TOP1MT: variants seen among roughly 807,000 people sequenced by gnomAD.
The protein encoded by TOP1MT is DNA topoisomerase I, mitochondrial.
In TOP1MT, 80 loss-of-function variants were observed where a neutral mutation model predicts 73.9. That is an observed-to-expected ratio of 1.08 (90% CI 0.90 to 1.30). The LOEUF (loss-of-function observed/expected upper bound fraction) is 1.30, where lower values mean the gene tolerates loss of function less well. TOP1MT is among the 50% of genes most tolerant of loss of function. The probability of loss-of-function intolerance (pLI) is 0.00; values close to 1 mark genes in which losing one functional copy is unlikely to be tolerated. For missense variants in TOP1MT, 815 were observed against 808.0 expected, an observed-to-expected ratio of 1.01 and a Z score of -0.10; for synonymous variants, 338 against 326.4, an observed-to-expected ratio of 1.04 and a Z score of -0.38.
Position 143,309,866 on chromosome 8 carries a change from T to C in TOP1MT, c.1703+202A>G, listed in dbSNP as rs756225957. 1.7e-5 allele frequency: 26 copies of C among 1,539,314 alleles called. No individual in the cohort carries two copies. The Admixed American group carries it at 4.3e-4, about 25-fold the overall frequency. ...CCCAGGCCACTGTCAGCACCCCCAC[T>C]TCACCCTGTCCATCCGAACGTTCAG... On this transcript the variant is annotated intron_variant, in intron 13 of 13. Transcript: ENST00000329245.
intron 3 of TOP1MT, chr8:143,327,796 C>G (rs1816747437): frequency 4.6e-6 from 2 of 431,540 alleles, no homozygotes; most frequent in Non-Finnish European, 9.2e-6. Flanking sequence ...GGAGCCTGCA[C>G]AGGGGACAAG....
At chr8:143,313,723 C>T (rs1358356068) in intron 12 of TOP1MT, among the ~76,000 whole-genome samples, 1 of 147,194 alleles carries the variant, frequency 6.8e-6, no homozygotes, top group Non-Finnish European at 1.5e-5. Flanking sequence ...GGCATGGTGG[C>T]GGGTGCCTGT....
At chr8:143,320,332 A>C (rs369292368) in intron 8 of TOP1MT, among the ~76,000 whole-genome samples, 3 of 151,946 alleles carry the variant, frequency 2.0e-5, no homozygotes, top group Admixed American at 2.0e-4. Flanking sequence ...GGGTTTCACC[A>C]TGTTAGCCAG....
At chr8:143,338,930 G>C (rs985956467), upstream of TOP1MT, among the ~76,000 whole-genome samples, 1 of 152,212 alleles carries the variant, frequency 6.6e-6, no homozygotes, top group Non-Finnish European at 1.5e-5. Context: ...CAAGGGAGCG[G>C]GGACAGGGCT....
At chr8:143,324,394 C>T in intron 6 of TOP1MT, 91 bp downstream of exon 6, 13 of 1,577,536 alleles carry the variant, frequency 8.2e-6, no homozygotes, top group Non-Finnish European at 1.1e-5. Context: ...ATCTCAGAAG[C>T]CTCTGCCGGT....
intron 3 of TOP1MT, among the ~76,000 whole-genome samples, chr8:143,328,581 C>A (rs189732369): frequency 6.6e-6 from 1 of 152,228 alleles, no homozygotes; most frequent in Non-Finnish European, 1.5e-5. Context: ...GCTGGACACA[C>A]GTGACCCAGC....
intron 1 of TOP1MT, chr8:143,343,544 C>T: frequency 3.5e-6 from 1 of 288,608 alleles, no homozygotes; most frequent in South Asian, 3.3e-5. Flanking sequence ...CATCTCAGGC[C>T]CCTCCCGGCC....
chr8:143,322,734 A>ACACGCCACACACG (rs1563760035), intron 7 of TOP1MT, among the ~76,000 whole-genome samples: 2 of 12,304 alleles, frequency 1.6e-4, no homozygotes, highest in African/African-American at 6.5e-4. Context: ...GGCACGCCAC[A>ACACGCCACACACG]CACGCCACAC....
At chr8:143,312,398 G>A (rs1296293041) in intron 12 of TOP1MT, among the ~76,000 whole-genome samples, 1 of 152,136 alleles carries the variant, frequency 6.6e-6, no homozygotes, top group African/African-American at 2.4e-5. Context: ...TCCCAGGAAT[G>A]CAAGGATGGT....
intron 7 of TOP1MT, among the ~76,000 whole-genome samples, 180 bp from the exon 8 acceptor site, chr8:143,321,566 CGCACGCCACACAG>C (rs1563757830): frequency 5.6e-5 from 6 of 106,572 alleles, no homozygotes; most frequent in African/African-American, 1.6e-4. Flanking sequence ...GCCACACACA[CGCACGCCACACAG>C]GCACGCCACA....
chr8:143,332,909 G>C (rs1047276181), intron 1 of TOP1MT, among the ~76,000 whole-genome samples: 1 of 152,062 alleles, frequency 6.6e-6, no homozygotes, highest in Non-Finnish European at 1.5e-5. Context: ...TCGGGGAGAG[G>C]GGGGTTCTGC....
In TOP1MT at chr8:143,317,823, G is replaced by A. The variant is rs146827342; in HGVS notation, c.1230C>T (p.Asn410=). 3.7e-3 allele frequency: 5,950 copies of A among 1,614,160 alleles called. 12 individuals carry two copies. The highest frequency in any genetic ancestry group is 4.8e-3 in the Non-Finnish European group (5,625 of 1,179,998). The change falls in exon 10 of 14, where the codon AAC becomes AAT. Residue 410 remains asparagine (N), a synonymous_variant. Coordinates refer to ENST00000329245, the MANE Select transcript of TOP1MT (RefSeq NM_052963.3). ...CGTCCATCAGCTCCTGGAGGTGCTT[G>A]TTCAGGCTGGTCGTCTGGGGAGGAA... ...LFDRLTTTSL[N]KHLQELMDGL... is the part of the protein sequence containing the mutation.
chr8:143,354,007 T>A (rs1817365110), intron 1 of TOP1MT, among the ~76,000 whole-genome samples: 1 of 139,516 alleles, frequency 7.2e-6, no homozygotes, highest in South Asian at 2.3e-4. Flanking sequence ...GGTTCTTCAG[T>A]AAATTCAACA....
chr8:143,310,245 C>A, intron 12 of TOP1MT, 28 bp from the exon 13 acceptor site: 1 of 1,475,886 alleles, frequency 6.8e-7, no homozygotes, highest in Non-Finnish European at 9.0e-7. Flanking sequence ...GGCCGCGAGG[C>A]CCCGCGCTGG....
chr8:143,359,139 C>T, upstream of TOP1MT: 1 of 831,818 alleles, frequency 1.2e-6, no homozygotes, highest in Non-Finnish European at 1.4e-6. Flanking sequence ...ACCGCACCGG[C>T]CCTTAAGTAG....
At chr8:143,359,441 G>A (rs751398339), upstream of TOP1MT, 35 of 985,118 alleles carry the variant, frequency 3.6e-5, no homozygotes, top group East Asian at 1.1e-4. Context: ...CATCAGCGAC[G>A]GCCGTTTCCA....
Position 143,316,007 on chromosome 8 carries a change from G to A in TOP1MT, c.1450C>T (p.Gln484Ter). Residue 484 changes from glutamine to a stop codon, truncating the protein, a stop_gained, in exon 11 of 14, where the codon CAG (glutamine) becomes TAG (stop). Transcript: ENST00000329245. LOFTEE classifies it high-confidence loss of function. ...STFEKSMQNL[Q>*]TKIQAKKEQV... ...CTCCTGGGAGCTGCTACCTTCGTCT[G>A]GAGATTCTGCATCGACTTCTCGAAC... The A allele has an allele frequency of 2.5e-6, 4 of 1,614,178 alleles. No individual in the cohort carries two copies. Among genetic ancestry groups the A allele is most frequent in the East Asian group, 2.2e-5 (1 of 44,876 alleles).
At chr8:143,310,364 G>A (rs1261243774) in intron 12 of TOP1MT, 147 bp from the exon 13 acceptor site, 1 of 611,714 alleles carries the variant, frequency 1.6e-6, no homozygotes, top group African/African-American at 1.9e-5. Context: ...CAAAAGACCA[G>A]CCGGGATCAA....
chr8:143,323,923 A>C, intron 7 of TOP1MT, 76 bp downstream of exon 7: 1 of 1,571,256 alleles, frequency 6.4e-7, no homozygotes, highest in South Asian at 1.1e-5. Context: ...ACGTCGCCAC[A>C]CTGCACCATC....
Sources: allele counts gnomAD v4.1 joint callset (sites outside exome capture counted in the v4.1 genomes callset), GRCh38; gene constraint gnomAD v4.1.1; transcripts MANE v1.5; gene names NCBI Gene and HGNC (gene_info 2026-07-23, HGNC 2026-07-21).